The following KDM4B variants were observed in gnomAD, a reference collection of about 807,000 sequenced individuals.
KDM4B encodes lysine-specific demethylase 4B.
Under a neutral mutation model 125.2 loss-of-function variants are expected in KDM4B, and 32 were observed. That is an observed-to-expected ratio of 0.26 (90% CI 0.19 to 0.34). The LOEUF (loss-of-function observed/expected upper bound fraction) is 0.34, where lower values mean the gene tolerates loss of function less well. Among genes scored for constraint, KDM4B ranks in the 10% least tolerant of loss-of-function variants. The pLI, the probability that KDM4B is intolerant of heterozygous loss-of-function variation, is 1.00. For synonymous variants in KDM4B, 721 were observed against 677.9 expected, an observed-to-expected ratio of 1.06 and a Z score of -0.99; for missense variants, 1,190 against 1,577.7, an observed-to-expected ratio of 0.75 and a Z score of 4.16.
In KDM4B at chr19:5,131,120, CGGAAGAAGAAGAG is replaced by C; in HGVS notation, c.1361_1373del (p.Arg454ProfsTer61). On this transcript the variant is annotated frameshift_variant, in exon 12 of 23. Transcript: ENST00000159111. LOFTEE classifies it high-confidence loss of function. ...GCGGCCAACCAAGGCCAAGAGCGAG[CGGAAGAAGAAGAG>C]CTTCGGCCTGCTGCCCCCACAGCTG... 1 of 1,526,390 alleles carries C rather than the reference CGGAAGAAGAAGAG, an allele frequency of 6.6e-7. No homozygotes were observed. The highest frequency in any genetic ancestry group is 8.8e-7 in the Non-Finnish European group (1 of 1,136,328). The allele number at this position is 1,526,390 out of a possible 1,614,324, so 94.6% of individuals were successfully genotyped here.
chr19:5,147,277 A>C (rs902408228), intron 21 of KDM4B, among the ~76,000 whole-genome samples: 1 of 152,252 alleles, frequency 6.6e-6, no homozygotes, highest in Non-Finnish European at 1.5e-5. Context: ...GGAAAATGAC[A>C]AGGGAGACTC....
At chr19:5,130,216 CCA>C (rs2039518025) in intron 11 of KDM4B, among the ~76,000 whole-genome samples, 1 of 152,318 alleles carries the variant, frequency 6.6e-6, no homozygotes, top group Middle Eastern at 3.4e-3. Flanking sequence ...TCAGTCCCAC[CCA>C]CAGAGTCCCC....
chr19:5,134,578 G>A (rs2039615098), intron 14 of KDM4B, among the ~76,000 whole-genome samples: 1 of 152,222 alleles, frequency 6.6e-6, no homozygotes, highest in African/African-American at 2.4e-5. Context: ...ACCCAGCCCA[G>A]CCGTTTTCCT....
chr19:5,088,888 A>G (rs968260940), intron 9 of KDM4B, among the ~76,000 whole-genome samples: 3 of 152,190 alleles, frequency 2.0e-5, no homozygotes, highest in Non-Finnish European at 4.4e-5. Context: ...CCGCTCAGCC[A>G]TGAGAAGGAG....
intron 2 of KDM4B, among the ~76,000 whole-genome samples, chr19:5,027,544 G>GTTT (rs565728081): frequency 1.5e-4 from 20 of 134,636 alleles, no homozygotes; most frequent in East Asian, 2.1e-4. Flanking sequence ...TCTCTTTTCA[G>GTTT]TTTTTTTTTT....
chr19:5,151,553 C>T lies in KDM4B; in HGVS notation c.*42C>T, dbSNP rs1016896849. On this transcript the variant is annotated 3_prime_UTR_variant, in exon 23 of 23. Coordinates refer to ENST00000159111, the MANE Select transcript of KDM4B (RefSeq NM_015015.3). ...GGCGACCCTCAGCCCGGCGGGGAGGCCATGGCATGCCCCGGGCGTTCGCTT... is the reference window on the plus strand; with the variant it reads ...GGCGACCCTCAGCCCGGCGGGGAGGTCATGGCATGCCCCGGGCGTTCGCTT... 1.5e-6 allele frequency: 2 copies of T among 1,299,698 alleles called. No homozygotes were observed. The highest frequency in any genetic ancestry group is 3.1e-5 in the East Asian group (1 of 32,058). The allele number at this position is 1,299,698 out of a possible 1,614,324, so 80.5% of individuals were successfully genotyped here. A position where few individuals can be genotyped will look rare whatever the true frequency, so the allele number is the denominator to read the frequency against.
chr19:5,032,849 C>G lies in KDM4B; in HGVS notation c.-25-17C>G, dbSNP rs747572925. ...TGGCGGCACCGCTGGTTCACCCTCT[C>G]TCGTCTTCCTCCACAGGTGTGCTTC... On this transcript the variant is annotated splice_polypyrimidine_tract_variant and intron_variant, in intron 2 of 22. Coordinates refer to ENST00000159111, the MANE Select transcript of KDM4B (RefSeq NM_015015.3). 9 of 1,607,896 alleles carry G rather than the reference C, an allele frequency of 5.6e-6. No individual in the cohort carries two copies. The highest frequency in any genetic ancestry group is 7.7e-6 in the Non-Finnish European group (9 of 1,176,016).
At position 5,144,964 on chromosome 19, in the gene KDM4B, A is replaced by T. The variant is rs1462796241; in HGVS notation, c.3021+62A>T. 3.1e-6 allele frequency: 5 copies of T among 1,604,010 alleles called. No individual in the cohort carries two copies. The Admixed American group carries it at 8.6e-5, about 27-fold the overall frequency. On this transcript the variant is annotated intron_variant, in intron 21 of 22. Coordinates refer to ENST00000159111, the MANE Select transcript of KDM4B (RefSeq NM_015015.3). Reference sequence around the variant, plus strand: ...CCAAGCTCTTCTTGTAGGTGCGGGGACAGGAGGATCACACCCCTGGCCCAG... The same window carrying T: ...CCAAGCTCTTCTTGTAGGTGCGGGGTCAGGAGGATCACACCCCTGGCCCAG...
chr19:5,047,765 C>A, intron 6 of KDM4B, 96 bp downstream of exon 6: 1 of 1,270,708 alleles, frequency 7.9e-7, no homozygotes. Flanking sequence ...GGCAGGGGCC[C>A]CACCAGGTGA....
chr19:5,097,068 C>A (rs1311724042), intron 9 of KDM4B, among the ~76,000 whole-genome samples: 1 of 152,100 alleles, frequency 6.6e-6, no homozygotes, highest in African/African-American at 2.4e-5. Context: ...AAGGCACGTG[C>A]CCCATGGCCA....
At chr19:5,054,496 G>A (rs564027631) in intron 6 of KDM4B, among the ~76,000 whole-genome samples, 14 of 150,238 alleles carry the variant, frequency 9.3e-5, no homozygotes, top group East Asian at 2.0e-4. Context: ...GTGTGCGCGC[G>A]CATGCACATG....
At chr19:5,058,050 T>C (rs1190024632) in intron 6 of KDM4B, among the ~76,000 whole-genome samples, 1 of 152,200 alleles carries the variant, frequency 6.6e-6, no homozygotes, top group Admixed American at 6.5e-5. Flanking sequence ...CCACACCTCA[T>C]TGGCCAGCAC....
intron 2 of KDM4B, among the ~76,000 whole-genome samples, chr19:5,019,524 G>A (rs1273345532): frequency 6.7e-6 from 1 of 149,390 alleles, no homozygotes; most frequent in African/African-American, 2.5e-5. Context: ...GTGTTGGTGT[G>A]CACGTATTGG....
chr19:5,110,512 G>A, intron 9 of KDM4B, 110 bp from the exon 10 acceptor site: 1 of 962,280 alleles, frequency 1.0e-6, no homozygotes. Flanking sequence ...TCAGCGGTGG[G>A]ATGGGGTGTG....
At chr19:5,052,881 C>A (rs1393870398) in intron 6 of KDM4B, among the ~76,000 whole-genome samples, 2 of 152,158 alleles carry the variant, frequency 1.3e-5, no homozygotes, top group Non-Finnish European at 2.9e-5. Flanking sequence ...AGCCCGGGAC[C>A]CGGGGGGTCC....
chr19:4,970,218 G>T (rs892224123), intron 1 of KDM4B, among the ~76,000 whole-genome samples: 2 of 152,238 alleles, frequency 1.3e-5, no homozygotes, highest in Non-Finnish European at 2.9e-5. Flanking sequence ...CCGCCCCTGG[G>T]GGCAGTGGAG....
At chr19:5,108,542 C>G (rs888310245) in intron 9 of KDM4B, among the ~76,000 whole-genome samples, 1 of 152,190 alleles carries the variant, frequency 6.6e-6, no homozygotes, top group Non-Finnish European at 1.5e-5. Flanking sequence ...GTCCCCAACC[C>G]CGTCAGATTT....
In KDM4B at chr19:4,994,802, A is replaced by G. The variant is rs570102462; in HGVS notation, c.-108-21455A>G. Among the ~76,000 whole-genome samples the G allele has an allele frequency of 3.3e-5, 5 of 152,096 alleles. No individual in the cohort carries two copies. The East Asian group carries it at 9.7e-4, about 29-fold the overall frequency. On this transcript the variant is annotated intron_variant, in intron 1 of 22. Coordinates refer to ENST00000159111, the MANE Select transcript of KDM4B (RefSeq NM_015015.3). ...TGATGTTTTCTTTTGCATTAAGTGA[A>G]TATTTTCTAGTGTAATATTTTAATT...
chr19:4,976,262 A>G (rs1235411222), intron 1 of KDM4B, among the ~76,000 whole-genome samples: 3 of 152,038 alleles, frequency 2.0e-5, no homozygotes, highest in Admixed American at 6.6e-5. Context: ...AAAAAAAAAA[A>G]AAAAAGGTCA....
Sources: allele counts gnomAD v4.1 joint callset (sites outside exome capture counted in the v4.1 genomes callset), GRCh38; gene constraint gnomAD v4.1.1; transcripts MANE v1.5; gene names NCBI Gene and HGNC (gene_info 2026-07-23, HGNC 2026-07-21).